Variants in LMO7 observed in about 807,000 individuals in gnomAD.
LMO7 encodes the protein LIM domain only protein 7.
LMO7 carries 120 observed loss-of-function variants against 206.5 expected under a neutral mutation model. The observed-to-expected ratio is 0.58, with a 90% CI of 0.50 to 0.68. The LOEUF (loss-of-function observed/expected upper bound fraction) is 0.68, where lower values mean the gene tolerates loss of function less well. Among genes scored for constraint, LMO7 ranks in the 30% least tolerant of loss-of-function variants. The probability of loss-of-function intolerance (pLI) is 0.00; values close to 1 mark genes in which losing one functional copy is unlikely to be tolerated. For synonymous variants in LMO7, 706 were observed against 681.5 expected, an observed-to-expected ratio of 1.04 and a Z score of -0.56; for missense variants, 1,959 against 1,957.9, an observed-to-expected ratio of 1.00 and a Z score of -0.01.
chr13:75,773,896 G>A (rs541787424), intron 4 of LMO7, among the ~76,000 whole-genome samples: 7 of 152,124 alleles, frequency 4.6e-5, no homozygotes, highest in Admixed American at 2.0e-4. Flanking sequence ...TCCTCATTCC[G>A]TTTTTAAAAA....
In LMO7 at chr13:75,805,534, A is replaced by G. The variant is rs1359231872; in HGVS notation, c.970A>G (p.Thr324Ala). 1 of 1,614,018 alleles carries G rather than the reference A, an allele frequency of 6.2e-7. No individual in the cohort carries two copies. The part of the protein sequence containing the change: ...NVENWPTVQG[T>A]SKSSCYLEEE... The stretch of plus-strand genomic sequence containing the variant: ...GGAGAACTGGCCAACTGTACAAGGA[A>G]CTTCAAAGTCCTCTTGTTATTTGGA... The change falls in exon 9 of 31, where the codon ACT becomes GCT. Residue 324 changes from threonine to alanine, a missense_variant. By Grantham distance (58) the Thr-to-Ala change is moderately conservative (BLOSUM62 0). Coordinates refer to ENST00000377534, the MANE Select transcript of LMO7 (RefSeq NM_001306080.2).
chr13:75,803,132 C>T (rs955154412), intron 7 of LMO7, among the ~76,000 whole-genome samples: 1 of 152,178 alleles, frequency 6.6e-6, no homozygotes, highest in African/African-American at 2.4e-5. Context: ...AGTTTATTGA[C>T]TACTACTCCT....
chr13:75,627,507 C>G (rs2034354900), intron 2 of LMO7: 1 of 151,932 alleles, frequency 6.6e-6, no homozygotes, highest in South Asian at 2.1e-4. Flanking sequence ...GCCTTTTTAG[C>G]AAAACAATTT....
intron 1 of LMO7, among the ~76,000 whole-genome samples, chr13:75,698,791 A>C (rs186211932): frequency 4.0e-4 from 61 of 152,278 alleles, no homozygotes; most frequent in African/African-American, 1.4e-3. Flanking sequence ...GTACAGTTCA[A>C]ATAAATTTTT....
In LMO7 at chr13:75,853,085, G is replaced by T. The variant is rs1333036681; in HGVS notation, c.4365-7G>T. ...CATTATTTTGATGAGTCTTTTTTGT[G>T]TTTCAGAGGCGAATCTTTAGATAAC... On this transcript the variant is annotated splice_polypyrimidine_tract_variant and splice_region_variant and intron_variant, in intron 27 of 30. Transcript: ENST00000377534. 7.0e-6 allele frequency: 11 copies of T among 1,574,054 alleles called. No homozygotes were observed. In the Admixed American group the frequency reaches 9.3e-5, roughly 13 times the overall value.
chr13:75,747,202 A>G (rs1369434735), intron 3 of LMO7, among the ~76,000 whole-genome samples: 2 of 152,220 alleles, frequency 1.3e-5, no homozygotes, highest in African/African-American at 2.4e-5. Flanking sequence ...ATTGTCTACA[A>G]ACTTAATCAT....
intron 2 of LMO7, among the ~76,000 whole-genome samples, chr13:75,724,391 C>T (rs1304746926): frequency 6.6e-6 from 1 of 152,068 alleles, no homozygotes; most frequent in Non-Finnish European, 1.5e-5. Context: ...CAAGGGAATA[C>T]AGGCTGAAAA....
intron 4 of LMO7, among the ~76,000 whole-genome samples, chr13:75,770,371 T>C (rs887412062): frequency 9.2e-5 from 14 of 152,070 alleles, no homozygotes; most frequent in African/African-American, 3.4e-4. Flanking sequence ...CCTCACATAC[T>C]CTAGCCTTGC....
chr13:75,779,044 G>A (rs1182676138), intron 4 of LMO7, among the ~76,000 whole-genome samples: 1 of 152,112 alleles, frequency 6.6e-6, no homozygotes, highest in Admixed American at 6.5e-5. Context: ...TTGGTGATGA[G>A]AGTTTTCAGG....
chr13:75,812,189 CA>C (rs2056478073), intron 11 of LMO7, among the ~76,000 whole-genome samples: 1 of 152,252 alleles, frequency 6.6e-6, no homozygotes, highest in South Asian at 2.1e-4. Context: ...GAGTGCCCTA[CA>C]ACAAATAGTT....
At chr13:75,740,772 A>G (rs2046346067) in intron 3 of LMO7, among the ~76,000 whole-genome samples, 1 of 152,184 alleles carries the variant, frequency 6.6e-6, no homozygotes, top group African/African-American at 2.4e-5. Flanking sequence ...CCATCATCAG[A>G]TGGATGTAAA....
intron 3 of LMO7, among the ~76,000 whole-genome samples, chr13:75,732,580 G>A (rs1488199686): frequency 6.6e-6 from 1 of 152,132 alleles, no homozygotes; most frequent in Non-Finnish European, 1.5e-5. Context: ...CTTTCCTCCT[G>A]TAGCTCGGAG....
chr13:75,841,336 T>A, intron 23 of LMO7, 135 bp downstream of exon 23: 1 of 645,716 alleles, frequency 1.5e-6, no homozygotes, highest in Non-Finnish European at 2.7e-6. Context: ...AAAAATACAA[T>A]GAGCTCTGAT....
chr13:75,746,259 C>A (rs1375543517), intron 3 of LMO7, among the ~76,000 whole-genome samples: 1 of 151,974 alleles, frequency 6.6e-6, no homozygotes, highest in Non-Finnish European at 1.5e-5. Context: ...CAGAAGATCA[C>A]AAATTGGTAA....
intron 4 of LMO7, among the ~76,000 whole-genome samples, chr13:75,785,295 G>C (rs1338154524): frequency 1.3e-5 from 2 of 152,052 alleles, no homozygotes; most frequent in African/African-American, 4.8e-5. Context: ...CAGGGTCTTG[G>C]GAAAGCCTAT....
At position 75,849,303 on chromosome 13, in the gene LMO7, T is replaced by G. The variant is rs760670569; in HGVS notation, c.4364+11T>G. The G allele has an allele frequency of 6.2e-7, 1 of 1,603,710 alleles. No homozygotes were observed. Among genetic ancestry groups the G allele is most frequent in the South Asian group, 1.1e-5 (1 of 90,828 alleles). Reference sequence around the variant, plus strand: ...TGGGATCATGAGAAGGTGCGAGACATCTTAGGAATTGGTTTCTTGTCTTTA... The same window carrying G: ...TGGGATCATGAGAAGGTGCGAGACAGCTTAGGAATTGGTTTCTTGTCTTTA... On this transcript the variant is annotated intron_variant, in intron 27 of 30. Transcript: ENST00000377534.
In LMO7 at chr13:75,774,427, T is replaced by C. The variant is rs58197219; in HGVS notation, c.317+13389T>C. Among the ~76,000 whole-genome samples, 1,328 of 152,294 alleles carry C rather than the reference T, an allele frequency of 8.7e-3. 19 individuals are homozygous for C. Among genetic ancestry groups the C allele is most frequent in the African/African-American group, 0.03 (1,251 of 41,576 alleles). On this transcript the variant is annotated intron_variant, in intron 4 of 30. Transcript: ENST00000377534. ...GTAGATTTGCCACAGTTTGTTTATCTGTTCACCAGTTGATGGACATTTGTG... is the reference window on the plus strand; with the variant it reads ...GTAGATTTGCCACAGTTTGTTTATCCGTTCACCAGTTGATGGACATTTGTG...
chr13:75,802,927 C>T (rs1287272409), intron 7 of LMO7, among the ~76,000 whole-genome samples: 1 of 152,088 alleles, frequency 6.6e-6, no homozygotes, highest in Admixed American at 6.5e-5. Flanking sequence ...AAGAATGATA[C>T]TTTGGGGGAA....
At chr13:75,709,882 G>T (rs569398261) in intron 1 of LMO7, among the ~76,000 whole-genome samples, 1 of 152,298 alleles carries the variant, frequency 6.6e-6, no homozygotes, top group Admixed American at 6.5e-5. Context: ...TGATGCCTAT[G>T]TCCTGAATGG....
Sources: allele counts gnomAD v4.1 joint callset (sites outside exome capture counted in the v4.1 genomes callset), GRCh38; gene constraint gnomAD v4.1.1; transcripts MANE v1.5; gene names NCBI Gene and HGNC (gene_info 2026-07-23, HGNC 2026-07-21).